The following PACSIN1 variants were observed in gnomAD, a reference collection of about 807,000 sequenced individuals.
The protein encoded by PACSIN1 is protein kinase C and casein kinase substrate in neurons protein 1.
In PACSIN1, 15 loss-of-function variants were observed where a neutral mutation model predicts 59.5. That is an observed-to-expected ratio of 0.25 (90% CI 0.17 to 0.39). The LOEUF (loss-of-function observed/expected upper bound fraction) is 0.39, where lower values mean the gene tolerates loss of function less well. PACSIN1 is among the 10% of genes least tolerant of loss of function. The pLI is 1.00. For synonymous variants in PACSIN1, 210 were observed against 220.6 expected (o/e 0.95, Z 0.42); for missense variants, 420 against 580.2 (o/e 0.72, Z 2.84).
rs539836344 is a variant in PACSIN1, at chr6:34,480,478, G to A, written c.-64+14208G>A. 1.8e-4 allele frequency among the ~76,000 whole-genome samples: 28 copies of A among 151,504 alleles called. No individual in the cohort carries two copies. The Middle Eastern group carries it at 0.031, about 167-fold the overall frequency. On this transcript the variant is annotated intron_variant, in intron 1 of 9. Transcript: ENST00000244458. ...CGGGCTCAAGCAATCTGCCCACCTC[G>A]GCCTCCCAAAGTGCTGGGATTACAG...
chr6:34,498,054 T>C (rs1210788333), intron 1 of PACSIN1, among the ~76,000 whole-genome samples: 1 of 150,904 alleles, frequency 6.6e-6, no homozygotes, highest in African/African-American at 2.4e-5. Flanking sequence ...TTTGTTTGTT[T>C]TGTTTGTTTG....
At chr6:34,482,358 T>A (rs1269728464) in intron 1 of PACSIN1, among the ~76,000 whole-genome samples, 1 of 152,230 alleles carries the variant, frequency 6.6e-6, no homozygotes, top group Non-Finnish European at 1.5e-5. Flanking sequence ...AGTGCTGGGA[T>A]TACAGGTGTG....
chr6:34,519,792 A>T (rs1245281849), intron 1 of PACSIN1, among the ~76,000 whole-genome samples: 2 of 152,130 alleles, frequency 1.3e-5, no homozygotes, highest in African/African-American at 4.8e-5. Flanking sequence ...AGAGAGTTTA[A>T]CTAACTTGCC....
At chr6:34,502,460 C>CTTT (rs562155609) in intron 1 of PACSIN1, among the ~76,000 whole-genome samples, 3 of 59,048 alleles carry the variant, frequency 5.1e-5, no homozygotes, top group South Asian at 6.9e-4. Flanking sequence ...AAGAAGCCAT[C>CTTT]TTTTTTTTTT....
rs936981134 is a variant in PACSIN1 at position 34,535,118 on chromosome 6, C to T, written c.*2588C>T. Reference sequence around the variant, plus strand: ...GAGAAGTGCTGTGGTCTCAGCAATGCACCTGTTTTGTACATGATTGTGTAA... The same window carrying T: ...GAGAAGTGCTGTGGTCTCAGCAATGTACCTGTTTTGTACATGATTGTGTAA... On this transcript the variant is annotated 3_prime_UTR_variant, in exon 10 of 10. Coordinates refer to ENST00000244458, the MANE Select transcript of PACSIN1 (RefSeq NM_020804.5). 6.6e-6 allele frequency: 1 copy of T among 152,350 alleles called. No homozygotes were observed. The highest frequency in any genetic ancestry group is 2.4e-5 in the African/African-American group (1 of 41,444). 9.4% of individuals were successfully genotyped at this position (152,350 alleles called of 1,614,324 possible). A position where few individuals can be genotyped will look rare whatever the true frequency, so the allele number is the denominator to read the frequency against.
At chr6:34,485,462 G>A (rs1766779274) in intron 1 of PACSIN1, among the ~76,000 whole-genome samples, 1 of 152,096 alleles carries the variant, frequency 6.6e-6, no homozygotes. Flanking sequence ...ATTTTGAAGG[G>A]AGAGTCAGCG....
At chr6:34,485,153 CTCGCTGGAGGGTT>C (rs1348487316) in intron 1 of PACSIN1, 4 of 152,112 alleles carry the variant, frequency 2.6e-5, no homozygotes, top group African/African-American at 9.7e-5. Flanking sequence ...TGGTGAGTCA[CTCGCTGGAGGGTT>C]TCAGCAGGTG....
intron 1 of PACSIN1, among the ~76,000 whole-genome samples, chr6:34,499,008 G>A (rs1452591971): frequency 1.3e-5 from 2 of 151,778 alleles, no homozygotes; most frequent in Non-Finnish European, 2.9e-5. Context: ...GATGATTCAA[G>A]CACATTACAA....
At chr6:34,509,565 A>G (rs1045320713) in intron 1 of PACSIN1, among the ~76,000 whole-genome samples, 2 of 152,006 alleles carry the variant, frequency 1.3e-5, no homozygotes, top group Admixed American at 6.6e-5. Context: ...TGTGGTTCCT[A>G]TGATTTTAAG....
At chr6:34,495,926 T>C (rs1206473138) in intron 1 of PACSIN1, among the ~76,000 whole-genome samples, 1 of 152,104 alleles carries the variant, frequency 6.6e-6, no homozygotes, top group Non-Finnish European at 1.5e-5. Flanking sequence ...AAATGGGGCA[T>C]AGGAGAGGTG....
At chr6:34,470,627 A>AGGCCCAAGGGATCCTCCCAC (rs11442303) in intron 1 of PACSIN1, among the ~76,000 whole-genome samples, 1 of 152,114 alleles carries the variant, frequency 6.6e-6, no homozygotes, top group Non-Finnish European at 1.5e-5. Context: ...GGATCCTCCC[A>AGGCCCAAGGGATCCTCCCAC]TTCAGCCTCC....
In PACSIN1 at chr6:34,531,504, A is replaced by C; in HGVS notation, c.1038-96A>C. 8.6e-5 allele frequency: 102 copies of C among 1,182,938 alleles called. No individual in the cohort carries two copies. Among genetic ancestry groups the C allele is most frequent in the Non-Finnish European group, 1.2e-4 (94 of 816,580 alleles). The allele number at this position is 1,182,938 out of a possible 1,614,324, so 73.3% of individuals were successfully genotyped here. A position where few individuals can be genotyped will look rare whatever the true frequency, so the allele number is the denominator to read the frequency against. ...GGCCAATCCTTGCTCTAGCCTTGGT[A>C]GAATTCGGGATCAGGGCTCTGATTA... is the stretch of plus-strand genomic sequence containing the variant. On this transcript the variant is annotated intron_variant, in intron 8 of 9. Transcript: ENST00000244458. The surrounding 1 kb of genome is among the most constrained non-coding windows in gnomAD (Gnocchi z 4.4).
At chr6:34,484,045 G>A (rs997254892) in intron 1 of PACSIN1, among the ~76,000 whole-genome samples, 1 of 152,120 alleles carries the variant, frequency 6.6e-6, no homozygotes, top group African/African-American at 2.4e-5. Context: ...GTGGCACCTG[G>A]ACAGATTGTC....
In PACSIN1 at chr6:34,529,001, G is replaced by A; in HGVS notation, c.456+124G>A. ...CTGCCCTCTGGGATTGTGCCCACAG[G>A]GGAGCAGCACTGCCTTCCAGGAAAA... On this transcript the variant is annotated intron_variant, in intron 4 of 9. Coordinates refer to ENST00000244458, the MANE Select transcript of PACSIN1 (RefSeq NM_020804.5). The surrounding 1 kb of genome is among the most constrained non-coding windows in gnomAD (Gnocchi z 6.3). 1.3e-6 allele frequency: 1 copy of A among 750,680 alleles called. No homozygotes were observed. The allele number at this position is 750,680 out of a possible 1,614,324, so 46.5% of individuals were successfully genotyped here. A position where few individuals can be genotyped will look rare whatever the true frequency, so the allele number is the denominator to read the frequency against.
chr6:34,489,706 C>T (rs1399683075), intron 1 of PACSIN1, among the ~76,000 whole-genome samples: 1 of 152,224 alleles, frequency 6.6e-6, no homozygotes, highest in African/African-American at 2.4e-5. Flanking sequence ...GCCAGGACTC[C>T]ACTCATCACC....
chr6:34,474,441 C>T (rs1033851154), intron 1 of PACSIN1, among the ~76,000 whole-genome samples: 6 of 152,100 alleles, frequency 3.9e-5, no homozygotes, highest in Admixed American at 2.0e-4. Context: ...CAGATCACAT[C>T]CTTCCTCTGC....
chr6:34,519,765 T>C (rs947269365), intron 1 of PACSIN1, among the ~76,000 whole-genome samples: 12 of 152,062 alleles, frequency 7.9e-5, no homozygotes, highest in Non-Finnish European at 1.8e-4. Flanking sequence ...CTTTTGCAGA[T>C]GAGGAAACCG....
chr6:34,482,148 G>A (rs1056393196), intron 1 of PACSIN1, among the ~76,000 whole-genome samples: 29 of 151,846 alleles, frequency 1.9e-4, no homozygotes, highest in African/African-American at 7.0e-4. Flanking sequence ...GTGCAATGGC[G>A]TGACCTCGGC....
At chr6:34,483,828 T>C (rs1766756291) in intron 1 of PACSIN1, among the ~76,000 whole-genome samples, 1 of 151,960 alleles carries the variant, frequency 6.6e-6, no homozygotes, top group Non-Finnish European at 1.5e-5. Context: ...TTTGTATTTT[T>C]AGTAGAGACA....
Sources: allele counts gnomAD v4.1 joint callset (sites outside exome capture counted in the v4.1 genomes callset), GRCh38; gene constraint gnomAD v4.1.1; non-coding constraint Gnocchi (gnomAD v3.1); transcripts MANE v1.5; gene names NCBI Gene and HGNC (gene_info 2026-07-23, HGNC 2026-07-21).